The following GPR19 variants were observed in gnomAD, a reference collection of about 807,000 sequenced individuals.
GPR19 encodes the protein probable G protein-coupled receptor 19.
GPR19 carries 14 observed loss-of-function variants against 28.5 expected under a neutral mutation model. That is an observed-to-expected ratio of 0.49 (90% CI 0.32 to 0.77). The LOEUF is 0.77. Among genes scored for constraint, GPR19 ranks in the 30% least tolerant of loss-of-function variants. The pLI is 0.03. For missense variants in GPR19, 409 were observed against 504.1 expected, an observed-to-expected ratio of 0.81 and a Z score of 1.81; for synonymous variants, 173 against 184.1, an observed-to-expected ratio of 0.94 and a Z score of 0.49.
chr12:12,672,227 A>G (rs1045470239), intron 3 of GPR19, among the ~76,000 whole-genome samples: 1 of 152,206 alleles, frequency 6.6e-6, no homozygotes. Flanking sequence ...ACAATGTTGC[A>G]TGACAAAAAT....
chr12:12,680,339 T>G (rs566812724), intron 3 of GPR19, among the ~76,000 whole-genome samples: 1 of 152,298 alleles, frequency 6.6e-6, no homozygotes, highest in Admixed American at 6.5e-5. Flanking sequence ...GGGCTAATAA[T>G]GCATATCATA....
chr12:12,700,601 T>A (rs1211706991), upstream of GPR19, among the ~76,000 whole-genome samples: 1 of 152,152 alleles, frequency 6.6e-6, no homozygotes, highest in African/African-American at 2.4e-5. Context: ...TTTGCAACTT[T>A]GTTAGTTGAG....
At chr12:12,698,751 C>T (rs1592273421), upstream of GPR19, among the ~76,000 whole-genome samples, 1 of 152,124 alleles carries the variant, frequency 6.6e-6, no homozygotes, top group East Asian at 1.9e-4. Context: ...GCTGGGATTA[C>T]AGGTGCGTGC....
chr12:12,682,883 C>T (rs1216775744), intron 3 of GPR19, among the ~76,000 whole-genome samples: 1 of 152,068 alleles, frequency 6.6e-6, no homozygotes, highest in Admixed American at 6.6e-5. Flanking sequence ...CCTCTTTTAC[C>T]CTTAAAAACC....
At chr12:12,699,837 A>G (rs1165294230), upstream of GPR19, among the ~76,000 whole-genome samples, 3 of 152,212 alleles carry the variant, frequency 2.0e-5, no homozygotes, top group African/African-American at 7.2e-5. Flanking sequence ...AAGGAGAGAT[A>G]CCTTTATGGT....
the GPR19 span, among the ~76,000 whole-genome samples, chr12:12,708,443 C>A: frequency 1.3e-5 from 2 of 152,060 alleles, no homozygotes; most frequent in Admixed American, 6.6e-5. Flanking sequence ...TTTTTCCAGG[C>A]ATTTGAATCC....
chr12:12,673,677 G>A (rs933109897), intron 3 of GPR19, among the ~76,000 whole-genome samples: 2 of 152,170 alleles, frequency 1.3e-5, no homozygotes, highest in African/African-American at 4.8e-5. Context: ...AGACCCTGGT[G>A]TAGGAATGAG....
chr12:12,685,264 T>C (rs1295871238), intron 2 of GPR19, among the ~76,000 whole-genome samples: 1 of 35,732 alleles, frequency 2.8e-5, no homozygotes, highest in Non-Finnish European at 9.7e-5. Context: ...TTAAATATGG[T>C]CTTTTTTTTT....
At chr12:12,696,694 C>G (rs898315549), upstream of GPR19, among the ~76,000 whole-genome samples, 4 of 152,244 alleles carry the variant, frequency 2.6e-5, no homozygotes, top group Non-Finnish European at 4.4e-5. Flanking sequence ...TGCGCCTGCG[C>G]GGCGGTTTGT....
chr12:12,669,200 C>T (rs750040457), intron 3 of GPR19: 20 of 152,346 alleles, frequency 1.3e-4, no homozygotes, highest in Non-Finnish European at 2.1e-4. Flanking sequence ...ACTCCCACAA[C>T]GCACTGCACA....
intron 2 of GPR19, among the ~76,000 whole-genome samples, chr12:12,689,323 G>C (rs562265803): frequency 6.6e-6 from 1 of 152,220 alleles, no homozygotes; most frequent in South Asian, 2.1e-4. Context: ...CTGCATGAGG[G>C]TGTCATCCTG....
At chr12:12,715,902 C>G in the GPR19 span, 1 of 152,226 alleles carries the variant, frequency 6.6e-6, no homozygotes, top group African/African-American at 2.4e-5. Flanking sequence ...ACAAAGTGGA[C>G]AAGATGTGGC....
intron 3 of GPR19, among the ~76,000 whole-genome samples, chr12:12,665,227 TC>T (rs1392686989): frequency 6.6e-6 from 1 of 152,162 alleles, no homozygotes; most frequent in African/African-American, 2.4e-5. Context: ...CCTGTGAACT[TC>T]CTTCTGTCTC....
At chr12:12,709,929 T>G in the GPR19 span, among the ~76,000 whole-genome samples, 1 of 152,166 alleles carries the variant, frequency 6.6e-6, no homozygotes, top group African/African-American at 2.4e-5. Flanking sequence ...GGTAAGGGAA[T>G]GGGAACAGGG....
chr12:12,692,076 T>C (rs1946188977), intron 2 of GPR19, among the ~76,000 whole-genome samples: 1 of 152,204 alleles, frequency 6.6e-6, no homozygotes, highest in South Asian at 2.1e-4. Flanking sequence ...CCCCTCCTAG[T>C]TTCTGATCCC....
the GPR19 span, among the ~76,000 whole-genome samples, chr12:12,709,236 C>T: frequency 6.6e-6 from 1 of 152,010 alleles, no homozygotes; most frequent in African/African-American, 2.4e-5. Flanking sequence ...AGTAGCACCT[C>T]ATGAGCTAAT....
At chr12:12,714,560 G>T in the GPR19 span, among the ~76,000 whole-genome samples, 2 of 152,224 alleles carry the variant, frequency 1.3e-5, no homozygotes, top group African/African-American at 4.8e-5. Flanking sequence ...AAACAGCAGT[G>T]AAAATGGCAA....
chr12:12,683,463 T>A (rs1241266847), intron 3 of GPR19, among the ~76,000 whole-genome samples: 2 of 152,188 alleles, frequency 1.3e-5, no homozygotes, highest in Non-Finnish European at 2.9e-5. Context: ...GTTTCGTAGG[T>A]CCAAATTCTG....
chr12:12,670,922 G>C (rs543442649), intron 3 of GPR19, among the ~76,000 whole-genome samples: 1 of 152,230 alleles, frequency 6.6e-6, no homozygotes, highest in Admixed American at 6.5e-5. Flanking sequence ...ATGTTGTCCA[G>C]ATCAAACTTT....
Sources: gnomAD v4.1 joint callset for allele counts (sites outside exome capture counted in the v4.1 genomes callset) on GRCh38, gnomAD v4.1.1 for gene constraint, MANE v1.5 for transcripts, NCBI Gene and HGNC (gene_info 2026-07-23, HGNC 2026-07-21) for gene names.